Variants in GLIS3 observed in about 807,000 individuals in gnomAD.
GLIS3 encodes the protein GLIS family zinc finger 3, also known as zinc finger protein GLIS3.
GLIS3 carries 53 observed loss-of-function variants against 78.6 expected under a neutral mutation model. That is an observed-to-expected ratio of 0.67 (90% confidence interval 0.54 to 0.85). The LOEUF (loss-of-function observed/expected upper bound fraction) is 0.85, where lower values mean the gene tolerates loss of function less well. Ranked by LOEUF, GLIS3 falls within the 40% of genes least tolerant of loss-of-function variation. GLIS3 has a pLI of 0.00. For synonymous variants in GLIS3, 684 were observed against 509.9 expected, an observed-to-expected ratio of 1.34 and a Z score of -4.60; for missense variants, 1,703 against 1,231.1, an observed-to-expected ratio of 1.38 and a Z score of -5.74.
intron 4 of GLIS3, among the ~76,000 whole-genome samples, chr9:4,006,837 A>G (rs747074428): frequency 2.2e-4 from 33 of 152,222 alleles, no homozygotes; most frequent in Non-Finnish European, 4.4e-4. Context: ...GTAAGGATGA[A>G]GGAACGGTTC....
At chr9:4,298,968 A>T (rs983600015) in intron 1 of GLIS3, among the ~76,000 whole-genome samples, 51 of 152,080 alleles carry the variant, frequency 3.4e-4, no homozygotes, top group African/African-American at 1.2e-3. Flanking sequence ...ACCTCACGTC[A>T]CCCCATCAGT....
chr9:4,345,290 A>T (rs1353926814), intron 2 of GLIS3, among the ~76,000 whole-genome samples: 1 of 152,204 alleles, frequency 6.6e-6, no homozygotes, highest in Non-Finnish European at 1.5e-5. Flanking sequence ...ATTTTTGCTC[A>T]AATGCCACCT....
At chr9:3,998,005 C>CT (rs1345567477) in intron 4 of GLIS3, among the ~76,000 whole-genome samples, 1 of 152,094 alleles carries the variant, frequency 6.6e-6, no homozygotes, top group Non-Finnish European at 1.5e-5. Context: ...TCATTCATTT[C>CT]TTTTTTATCA....
chr9:4,405,081 G>C, the GLIS3 span, among the ~76,000 whole-genome samples: 2 of 152,106 alleles, frequency 1.3e-5, no homozygotes, highest in Non-Finnish European at 2.9e-5. Flanking sequence ...CCTGCCTGGC[G>C]CAGTGGCTCA....
intron 6 of GLIS3, among the ~76,000 whole-genome samples, chr9:3,921,040 G>A (rs573520): frequency 0.99 from 151,265 of 152,336 alleles, 75,108 homozygotes; most frequent in Middle Eastern, 1. Flanking sequence ...ACAACCCTAC[G>A]GGACTTCGCA....
chr9:4,288,893 G>A (rs1340564472), intron 1 of GLIS3, among the ~76,000 whole-genome samples: 2 of 152,034 alleles, frequency 1.3e-5, no homozygotes, highest in Non-Finnish European at 2.9e-5. Flanking sequence ...AACTAAACAT[G>A]AAAATATGGC....
intron 2 of GLIS3, among the ~76,000 whole-genome samples, chr9:4,243,398 GCACA>G (rs33922569): frequency 1.3e-5 from 2 of 150,900 alleles, no homozygotes; most frequent in Non-Finnish European, 3.0e-5. Context: ...ACACATACAC[GCACA>G]CACACACACA....
chr9:4,416,871 T>G, the GLIS3 span, among the ~76,000 whole-genome samples: 1 of 141,196 alleles, frequency 7.1e-6, no homozygotes, highest in Non-Finnish European at 1.5e-5. Context: ...CAGGCTGGAG[T>G]GCAGTGGTGT....
At chr9:3,987,609 G>A (rs1819847907) in intron 4 of GLIS3, among the ~76,000 whole-genome samples, 1 of 150,890 alleles carries the variant, frequency 6.6e-6, no homozygotes, top group South Asian at 2.1e-4. Flanking sequence ...GGCTGAGGCA[G>A]GCACTTGAAC....
intron 2 of GLIS3, among the ~76,000 whole-genome samples, chr9:4,281,897 C>A (rs1031146120): frequency 1.3e-5 from 2 of 152,150 alleles, no homozygotes; most frequent in Non-Finnish European, 2.9e-5. Context: ...ATTTAAAATA[C>A]CCTGTGACTC....
At chr9:4,131,069 G>A (rs992587880) in intron 2 of GLIS3, among the ~76,000 whole-genome samples, 4 of 152,196 alleles carry the variant, frequency 2.6e-5, no homozygotes, top group African/African-American at 7.2e-5. Flanking sequence ...CCCTAGGGGG[G>A]GTTGGGGCTT....
intron 2 of GLIS3, among the ~76,000 whole-genome samples, chr9:4,245,710 T>C (rs953988854): frequency 2.0e-5 from 3 of 152,180 alleles, no homozygotes; most frequent in African/African-American, 7.2e-5. Flanking sequence ...ATTATCCTGA[T>C]TTGATCATTA....
chr9:4,276,709 A>G (rs1441925129), intron 2 of GLIS3, among the ~76,000 whole-genome samples: 1 of 152,186 alleles, frequency 6.6e-6, no homozygotes, highest in Non-Finnish European at 1.5e-5. Context: ...ACCCCCTTTT[A>G]TAATTGGAAC....
At chr9:3,869,488 G>A (rs1378881484) in intron 8 of GLIS3, among the ~76,000 whole-genome samples, 1 of 152,184 alleles carries the variant, frequency 6.6e-6, no homozygotes, top group Non-Finnish European at 1.5e-5. Flanking sequence ...AATGGATGGT[G>A]GCAAGGTACT....
chr9:3,932,470 T>G lies in GLIS3; in HGVS notation c.1873A>C (p.Lys625Gln). Reference sequence around the variant, plus strand: ...CCTGGAATTTGACAAGCATAAGGTTTCTAAATGAGAAAGAAAGAAAGAAAC... The same window carrying G: ...CCTGGAATTTGACAAGCATAAGGTTGCTAAATGAGAAAGAAAGAAAGAAAC... ...AKHQRTHLDT[K>Q]PYACQIPGCT... The change falls in exon 6 of 11, where the codon AAA becomes CAA. Residue 625 changes from lysine to glutamine, a missense_variant and splice_region_variant. Coordinates refer to ENST00000381971, the MANE Select transcript of GLIS3 (RefSeq NM_001042413.2). The G allele has an allele frequency of 6.2e-7, 1 of 1,605,760 alleles. No individual in the cohort carries two copies. Among genetic ancestry groups the G allele is most frequent in the South Asian group, 1.1e-5 (1 of 90,930 alleles).
intron 9 of GLIS3, among the ~76,000 whole-genome samples, chr9:3,833,735 TGTTA>T (rs1351090116): frequency 1.3e-5 from 2 of 152,198 alleles, no homozygotes; most frequent in Non-Finnish European, 1.5e-5. Flanking sequence ...TGGCAATAAA[TGTTA>T]GTTGTTATTA....
intron 2 of GLIS3, among the ~76,000 whole-genome samples, chr9:4,333,681 C>T (rs1817715648): frequency 6.6e-6 from 1 of 152,076 alleles, no homozygotes; most frequent in African/African-American, 2.4e-5. Flanking sequence ...CTATTAGCTT[C>T]CAATGGGATT....
chr9:4,420,210 C>T, the GLIS3 span, among the ~76,000 whole-genome samples: 1 of 152,122 alleles, frequency 6.6e-6, no homozygotes, highest in Non-Finnish European at 1.5e-5. Context: ...GAAGAGGGGG[C>T]CACATGGAGA....
chr9:4,297,326 C>T (rs1816625444), intron 1 of GLIS3, among the ~76,000 whole-genome samples: 1 of 152,192 alleles, frequency 6.6e-6, no homozygotes, highest in South Asian at 2.1e-4. Context: ...CTTTAAGGGT[C>T]TGCGACAACT....
Sources: allele counts gnomAD v4.1 joint callset (sites outside exome capture counted in the v4.1 genomes callset), GRCh38; gene constraint gnomAD v4.1.1; transcripts MANE v1.5; gene names NCBI Gene and HGNC (gene_info 2026-07-23, HGNC 2026-07-21).